KCNH1: variants seen among roughly 807,000 people sequenced by gnomAD.
KCNH1 encodes potassium voltage-gated channel subfamily H member 1.
In KCNH1, 27 loss-of-function variants were observed where a neutral mutation model predicts 69.2. The observed-to-expected ratio is 0.39, with a 90% CI of 0.29 to 0.54. The LOEUF is 0.54. KCNH1 is among the 20% of genes least tolerant of loss of function. The pLI is 0.68. For synonymous variants in KCNH1, 456 were observed against 487.7 expected (o/e 0.93, Z 0.86); for missense variants, 798 against 1,261.6 (o/e 0.63, Z 5.57).
At chr1:210,968,524 C>A (rs1417450799) in intron 6 of KCNH1, among the ~76,000 whole-genome samples, 1 of 146,744 alleles carries the variant, frequency 6.8e-6, no homozygotes, top group East Asian at 2.0e-4. Flanking sequence ...TCCTCTCCAG[C>A]ACCTGTTGTT....
chr1:210,843,715 T>G (rs1339625523), intron 7 of KCNH1, among the ~76,000 whole-genome samples: 1 of 152,180 alleles, frequency 6.6e-6, no homozygotes, highest in Non-Finnish European at 1.5e-5. Context: ...AATGTTCATT[T>G]ACTGTCAGAG....
intron 7 of KCNH1, among the ~76,000 whole-genome samples, chr1:210,829,093 G>C (rs1558487110): frequency 6.6e-6 from 1 of 152,206 alleles, no homozygotes; most frequent in Middle Eastern, 3.4e-3. Context: ...TCTCTCCTGA[G>C]GGCAGTGGGA....
intron 9 of KCNH1, among the ~76,000 whole-genome samples, chr1:210,779,352 C>T (rs907885642): frequency 6.6e-5 from 10 of 152,176 alleles, no homozygotes; most frequent in African/African-American, 1.7e-4. Flanking sequence ...AAAACAAACT[C>T]AGGACTATTC....
intron 6 of KCNH1, among the ~76,000 whole-genome samples, chr1:210,946,989 G>T (rs889265967): frequency 2.6e-5 from 4 of 152,040 alleles, no homozygotes; most frequent in Non-Finnish European, 5.9e-5. Context: ...CAATATCACC[G>T]CCAACTTACC....
intron 7 of KCNH1, chr1:210,859,582 C>A (rs1263975079): frequency 1.3e-6 from 2 of 1,539,556 alleles, no homozygotes; most frequent in Admixed American, 1.7e-5. Context: ...ATCTTCATCA[C>A]TCCCCAGTTC....
intron 8 of KCNH1, among the ~76,000 whole-genome samples, chr1:210,802,106 G>GC (rs1173467045): frequency 2.6e-5 from 4 of 152,214 alleles, no homozygotes; most frequent in African/African-American, 9.7e-5. Flanking sequence ...AGACACTAGT[G>GC]CAAGACCAGG....
At chr1:211,126,687 C>CAAAAAAAAAAAA (rs71571980) in intron 1 of KCNH1, among the ~76,000 whole-genome samples, 5 of 64,944 alleles carry the variant, frequency 7.7e-5, no homozygotes, top group African/African-American at 2.1e-4. Context: ...TATAATATCT[C>CAAAAAAAAAAAA]AAAAAAAAAA....
intron 7 of KCNH1, among the ~76,000 whole-genome samples, chr1:210,831,145 G>A (rs1349972012): frequency 6.6e-6 from 1 of 152,144 alleles, no homozygotes; most frequent in African/African-American, 2.4e-5. Context: ...CAAACATATA[G>A]GCCAATTACT....
At chr1:210,776,622 G>A (rs1683866142) in intron 9 of KCNH1, among the ~76,000 whole-genome samples, 1 of 152,028 alleles carries the variant, frequency 6.6e-6, no homozygotes, top group African/African-American at 2.4e-5. Context: ...ACCAGAAGGG[G>A]GCCCTCACCA....
At chr1:210,879,718 C>T (rs138365016) in intron 7 of KCNH1, among the ~76,000 whole-genome samples, 3 of 152,092 alleles carry the variant, frequency 2.0e-5, no homozygotes, top group East Asian at 1.9e-4. Context: ...TGTCTCTTCT[C>T]GCTACTGTTT....
At chr1:210,688,026 A>G (rs1681444324) in intron 10 of KCNH1, among the ~76,000 whole-genome samples, 1 of 152,194 alleles carries the variant, frequency 6.6e-6, no homozygotes, top group Non-Finnish European at 1.5e-5. Context: ...TGAGGGGGAA[A>G]AGTTCCAAGG....
chr1:210,761,590 G>A lies in KCNH1; in HGVS notation c.2112+13758C>T, dbSNP rs550711271. ...GGAAAACATAAGACAGCAGGGGGTC[G>A]CTAGTCTTATATCACATAAAATAGG... On this transcript the variant is annotated intron_variant, in intron 10 of 10. Transcript: ENST00000271751. Among the ~76,000 whole-genome samples the A allele has an allele frequency of 1.3e-3, 201 of 152,194 alleles. 1 individual carries two copies. The highest frequency in any genetic ancestry group is 4.5e-3 in the African/African-American group (188 of 41,518).
At chr1:210,897,956 G>A (rs1262540457) in intron 7 of KCNH1, among the ~76,000 whole-genome samples, 1 of 152,218 alleles carries the variant, frequency 6.6e-6, no homozygotes, top group Non-Finnish European at 1.5e-5. Context: ...GGAGGGGTAA[G>A]TGGCAGTGGT....
chr1:210,899,042 G>A (rs1159568268), intron 7 of KCNH1, among the ~76,000 whole-genome samples: 2 of 152,090 alleles, frequency 1.3e-5, no homozygotes, highest in Admixed American at 6.5e-5. Context: ...CTAAATATCC[G>A]ACTATGACCC....
At chr1:211,077,708 C>A (rs1690763028) in intron 5 of KCNH1, among the ~76,000 whole-genome samples, 1 of 152,110 alleles carries the variant, frequency 6.6e-6, no homozygotes, top group South Asian at 2.1e-4. Context: ...AACTAACGGA[C>A]AAAATAACCA....
At chr1:210,848,194 A>T (rs988210195) in intron 7 of KCNH1, among the ~76,000 whole-genome samples, 5 of 152,248 alleles carry the variant, frequency 3.3e-5, no homozygotes, top group Admixed American at 3.3e-4. Context: ...GGTAGTAGAC[A>T]TTCAATAAAT....
At chr1:210,961,216 T>C (rs115298475) in intron 6 of KCNH1, among the ~76,000 whole-genome samples, 1 of 152,136 alleles carries the variant, frequency 6.6e-6, no homozygotes, top group Non-Finnish European at 1.5e-5. Flanking sequence ...TTCCATATTT[T>C]GGCTAAAAGT....
chr1:210,746,520 G>A (rs1312843110), intron 10 of KCNH1, among the ~76,000 whole-genome samples: 1 of 151,864 alleles, frequency 6.6e-6, no homozygotes, highest in East Asian at 1.9e-4. Flanking sequence ...CAGCACGGGG[G>A]CTGCAATACA....
intron 6 of KCNH1, among the ~76,000 whole-genome samples, chr1:210,963,614 A>C (rs543133154): frequency 6.6e-6 from 1 of 152,248 alleles, no homozygotes; most frequent in East Asian, 1.9e-4. Context: ...GATGGAACTG[A>C]AAAACACAGC....
Sources: gnomAD v4.1 joint callset for allele counts (sites outside exome capture counted in the v4.1 genomes callset) on GRCh38, gnomAD v4.1.1 for gene constraint, MANE v1.5 for transcripts, NCBI Gene and HGNC (gene_info 2026-07-23, HGNC 2026-07-21) for gene names.